CEP85L: variants seen among roughly 807,000 people sequenced by gnomAD.
CEP85L encodes the protein centrosomal protein of 85 kDa-like.
A neutral mutation model predicts 100.3 loss-of-function variants in CEP85L; 60 were observed. That is an observed-to-expected ratio of 0.60 (90% CI 0.49 to 0.74). The LOEUF is 0.74. Among genes scored for constraint, CEP85L ranks in the 30% least tolerant of loss-of-function variants. The pLI is 0.00. For synonymous variants in CEP85L, 319 were observed against 322.7 expected (o/e 0.99, Z 0.12); for missense variants, 973 against 936.2 (o/e 1.04, Z -0.51).
chr6:118,601,864 C>T (rs1781806539), intron 2 of CEP85L, among the ~76,000 whole-genome samples: 2 of 152,170 alleles, frequency 1.3e-5, no homozygotes, highest in African/African-American at 4.8e-5. Context: ...TTTTGGCCAG[C>T]TCCTTTACTG....
chr6:118,469,371 T>A, intron 11 of CEP85L, 68 bp from the exon 12 acceptor site: 1 of 1,219,686 alleles, frequency 8.2e-7, no homozygotes, highest in Admixed American at 1.8e-5. Context: ...GCCATACAGG[T>A]TAACATTCTC....
intron 3 of CEP85L, among the ~76,000 whole-genome samples, chr6:118,564,364 T>C (rs148437552): frequency 4.8e-4 from 73 of 152,336 alleles, no homozygotes; most frequent in African/African-American, 1.7e-3. Flanking sequence ...ATGACAAACA[T>C]TTGAAAACTA....
At chr6:118,529,403 C>T (rs917353287) in intron 3 of CEP85L, among the ~76,000 whole-genome samples, 18 of 151,798 alleles carry the variant, frequency 1.2e-4, no homozygotes, top group Admixed American at 1.2e-3. Context: ...GTCAGGAGAT[C>T]GAGACCATCC....
At chr6:118,468,172 T>G (rs966801389) in intron 12 of CEP85L, among the ~76,000 whole-genome samples, 13 of 152,194 alleles carry the variant, frequency 8.5e-5, no homozygotes, top group African/African-American at 3.1e-4. Flanking sequence ...AATGTTTCAT[T>G]TAACAAGTGA....
At chr6:118,608,058 G>C (rs1381295511) in intron 2 of CEP85L, among the ~76,000 whole-genome samples, 1 of 152,134 alleles carries the variant, frequency 6.6e-6, no homozygotes, top group Non-Finnish European at 1.5e-5. Context: ...CTGCTCCACA[G>C]CCTACAGGAG....
intron 5 of CEP85L, among the ~76,000 whole-genome samples, chr6:118,493,886 C>T (rs1363952792): frequency 6.6e-6 from 1 of 152,058 alleles, no homozygotes; most frequent in Non-Finnish European, 1.5e-5. Flanking sequence ...AGGAAGATGG[C>T]TAGGCTATGA....
intron 3 of CEP85L, among the ~76,000 whole-genome samples, chr6:118,550,124 G>C (rs1374206674): frequency 1.3e-5 from 2 of 151,878 alleles, no homozygotes; most frequent in African/African-American, 2.4e-5. Context: ...AAAAACGCAT[G>C]AAAGAGCCAG....
intron 2 of CEP85L, among the ~76,000 whole-genome samples, chr6:118,590,632 C>T (rs529753173): frequency 6.6e-6 from 1 of 152,270 alleles, no homozygotes; most frequent in East Asian, 1.9e-4. Flanking sequence ...TGGCTCTTTT[C>T]CACACTCGGA....
At chr6:118,655,710 A>G (rs891250586), upstream of CEP85L, among the ~76,000 whole-genome samples, 18 of 152,180 alleles carry the variant, frequency 1.2e-4, no homozygotes, top group African/African-American at 4.3e-4. Context: ...AATGTTGGGG[A>G]ATTGGATTGA....
At chr6:118,627,198 CAAAAAAAA>C (rs56203910) in intron 2 of CEP85L, among the ~76,000 whole-genome samples, 3 of 72,578 alleles carry the variant, frequency 4.1e-5, no homozygotes, top group African/African-American at 1.1e-4. Context: ...GACTCCATCT[CAAAAAAAA>C]AAAAAAAAAA....
intron 1 of CEP85L, among the ~76,000 whole-genome samples, chr6:118,700,604 T>C: frequency 6.6e-6 from 1 of 152,260 alleles, no homozygotes; most frequent in Non-Finnish European, 1.5e-5. Context: ...TCTTCTGCTC[T>C]TGAATTTGGC....
chr6:118,466,039 G>A (rs1001385690), intron 12 of CEP85L, among the ~76,000 whole-genome samples: 2 of 152,054 alleles, frequency 1.3e-5, no homozygotes, highest in African/African-American at 4.8e-5. Flanking sequence ...AGGGAGAGCG[G>A]GGAGGGAAAA....
chr6:118,506,673 T>C (rs10484289), intron 5 of CEP85L, among the ~76,000 whole-genome samples: 22,151 of 152,132 alleles, frequency 0.15, 1,870 homozygotes, highest in Non-Finnish European at 0.19. Flanking sequence ...TATTTACCAA[T>C]TGTGTATGAG....
In CEP85L at chr6:118,491,196, TACACACAC is replaced by T. The variant is rs1160030823; in HGVS notation, c.1437+482_1437+489del. Among the ~76,000 whole-genome samples, 336 of 116,426 alleles carry T rather than the reference TACACACAC, an allele frequency of 2.9e-3. 1 individual carries two copies. Among genetic ancestry groups the T allele is most frequent in the African/African-American group, 7.1e-3 (214 of 30,020 alleles). The allele number at this position is 116,426 out of a possible 152,430, so 76.4% of individuals were successfully genotyped here. ...CCCTTCTATTTCATACCAACATCTA[TACACACAC>T]ACACACACACACACACACACACACA... On this transcript the variant is annotated intron_variant, in intron 6 of 12. Coordinates refer to ENST00000368491, the MANE Select transcript of CEP85L (RefSeq NM_001042475.3).
intron 5 of CEP85L, among the ~76,000 whole-genome samples, chr6:118,496,503 C>T (rs555538479): frequency 2.0e-5 from 3 of 152,064 alleles, no homozygotes; most frequent in South Asian, 2.1e-4. Context: ...TACAGGCATG[C>T]GCCACCAAGC....
At chr6:118,604,545 C>T (rs1003572678) in intron 2 of CEP85L, among the ~76,000 whole-genome samples, 1 of 152,220 alleles carries the variant, frequency 6.6e-6, no homozygotes, top group Admixed American at 6.5e-5. Flanking sequence ...GCATATAGAA[C>T]TGTTTCTTCA....
intron 3 of CEP85L, chr6:118,548,206 G>A (rs1778324539): frequency 6.6e-6 from 1 of 152,034 alleles, no homozygotes; most frequent in African/African-American, 2.4e-5. Context: ...CTGAGACTGT[G>A]GCTAACCAAT....
chr6:118,580,014 G>A (rs541502396), intron 2 of CEP85L, among the ~76,000 whole-genome samples: 1 of 152,276 alleles, frequency 6.6e-6, no homozygotes, highest in Non-Finnish European at 1.5e-5. Flanking sequence ...GGCTAGGGTG[G>A]GAGGACCAGA....
At chr6:118,669,891 G>T (rs1370661031) in intron 1 of CEP85L, among the ~76,000 whole-genome samples, 3 of 150,752 alleles carry the variant, frequency 2.0e-5, no homozygotes, top group African/African-American at 7.3e-5. Context: ...TCTTAGGCAA[G>T]TCCCATAAGC....
Sources: gnomAD v4.1 joint callset for allele counts (sites outside exome capture counted in the v4.1 genomes callset) on GRCh38, gnomAD v4.1.1 for gene constraint, MANE v1.5 for transcripts, NCBI Gene and HGNC (gene_info 2026-07-23, HGNC 2026-07-21) for gene names.